The following ZBBX variants were observed in gnomAD, a reference collection of about 807,000 sequenced individuals.
The protein encoded by ZBBX is zinc finger B-box domain containing.
Under a neutral mutation model 108.5 loss-of-function variants are expected in ZBBX, and 101 were observed. That is an observed-to-expected ratio of 0.93 (90% CI 0.79 to 1.10). The LOEUF (loss-of-function observed/expected upper bound fraction) is 1.10. Ranked by LOEUF, ZBBX falls within the 50% of genes least tolerant of loss-of-function variation. The pLI, the probability that ZBBX is intolerant of heterozygous loss-of-function variation, is 0.00. For synonymous variants in ZBBX, 356 were observed against 323.4 expected (o/e 1.10, Z -1.08); for missense variants, 1,009 against 941.4 (o/e 1.07, Z -0.94).
chr3:167,359,108 C>T (rs1744097549), intron 8 of ZBBX, among the ~76,000 whole-genome samples: 1 of 151,972 alleles, frequency 6.6e-6, no homozygotes, highest in Non-Finnish European at 1.5e-5. Context: ...TATAACTGTA[C>T]AATGGAATAC....
intron 20 of ZBBX, among the ~76,000 whole-genome samples, chr3:167,246,671 G>A (rs979476328): frequency 2.6e-5 from 4 of 152,176 alleles, no homozygotes; most frequent in African/African-American, 9.7e-5. Context: ...TATTGAAGAA[G>A]TAAATGCTTT....
intron 2 of ZBBX, among the ~76,000 whole-genome samples, chr3:167,376,801 T>C (rs114362565): frequency 0.016 from 2,403 of 152,268 alleles, 60 homozygotes; most frequent in African/African-American, 0.055. Flanking sequence ...TTTCCTTGTA[T>C]GAAGAAAAAG....
chr3:167,359,124 C>T (rs188045658), intron 8 of ZBBX, among the ~76,000 whole-genome samples: 70 of 152,012 alleles, frequency 4.6e-4, no homozygotes, highest in South Asian at 1.0e-3. Flanking sequence ...AATACTACTC[C>T]ATAATACAAA....
chr3:167,285,905 T>A (rs1373555041), intron 19 of ZBBX, among the ~76,000 whole-genome samples: 1 of 152,066 alleles, frequency 6.6e-6, no homozygotes, highest in African/African-American at 2.4e-5. Context: ...GATACCCCAA[T>A]GAACAGGACA....
chr3:167,269,289 G>A (rs1052103573), intron 20 of ZBBX, among the ~76,000 whole-genome samples: 3 of 152,128 alleles, frequency 2.0e-5, no homozygotes, highest in African/African-American at 4.8e-5. Flanking sequence ...TGAGTCTCTG[G>A]GATAAAAGTG....
At chr3:167,272,726 C>A (rs534783725) in intron 20 of ZBBX, among the ~76,000 whole-genome samples, 1 of 152,264 alleles carries the variant, frequency 6.6e-6, no homozygotes, top group African/African-American at 2.4e-5. Context: ...CAACTCTCAG[C>A]CTCAGAAAAG....
intron 1 of ZBBX, among the ~76,000 whole-genome samples, chr3:167,391,498 A>G (rs568748730): frequency 6.6e-6 from 1 of 152,158 alleles, no homozygotes; most frequent in South Asian, 2.1e-4. Context: ...TGCTAGTCTC[A>G]TAAAATGAGC....
chr3:167,247,814 G>A (rs372757916), intron 20 of ZBBX, among the ~76,000 whole-genome samples: 5 of 152,114 alleles, frequency 3.3e-5, no homozygotes, highest in African/African-American at 9.7e-5. Context: ...AGATGAGTGT[G>A]AATGAATGTG....
At chr3:167,363,889 C>T (rs116211153) in intron 6 of ZBBX, among the ~76,000 whole-genome samples, 3,784 of 151,984 alleles carry the variant, frequency 0.025, 173 homozygotes, top group African/African-American at 0.087. Context: ...CAGAAATAGA[C>T]ATTTTAATGT....
intron 8 of ZBBX, among the ~76,000 whole-genome samples, chr3:167,355,347 G>A (rs1451240427): frequency 1.3e-5 from 2 of 151,866 alleles, no homozygotes; most frequent in East Asian, 1.9e-4. Flanking sequence ...TAACTTTGAG[G>A]TACAGATTAC....
At chr3:167,184,316 GT>G in the ZBBX span, among the ~76,000 whole-genome samples, 1 of 152,116 alleles carries the variant, frequency 6.6e-6, no homozygotes, top group South Asian at 2.1e-4. Context: ...TGACCTTTGT[GT>G]TGAGATGTTA....
intron 20 of ZBBX, among the ~76,000 whole-genome samples, chr3:167,262,267 C>T (rs958583979): frequency 2.0e-5 from 3 of 152,150 alleles, no homozygotes; most frequent in Non-Finnish European, 2.9e-5. Context: ...GTCTGTGGGT[C>T]CTCTCAGGAT....
intron 17 of ZBBX, among the ~76,000 whole-genome samples, chr3:167,298,833 A>T (rs1732115743): frequency 6.6e-6 from 1 of 152,074 alleles, no homozygotes; most frequent in South Asian, 2.1e-4. Flanking sequence ...ATATAAAATA[A>T]TTTCAAAACT....
chr3:167,397,016 G>A (rs1030940354), intron 1 of ZBBX, among the ~76,000 whole-genome samples: 7 of 151,136 alleles, frequency 4.6e-5, no homozygotes, highest in Non-Finnish European at 1.0e-4. Context: ...GGAAAGGATG[G>A]CATTGCTCAT....
intron 8 of ZBBX, among the ~76,000 whole-genome samples, chr3:167,359,251 T>C (rs1744122702): frequency 6.6e-6 from 1 of 152,132 alleles, no homozygotes; most frequent in African/African-American, 2.4e-5. Flanking sequence ...ACTAAATCTA[T>C]AGTGTTAAAA....
the ZBBX span, among the ~76,000 whole-genome samples, chr3:167,181,585 T>G: frequency 6.6e-6 from 1 of 152,212 alleles, no homozygotes; most frequent in African/African-American, 2.4e-5. Context: ...TTCAATAATT[T>G]GATTCACCCA....
downstream of ZBBX, among the ~76,000 whole-genome samples, chr3:167,236,884 C>T (rs191858882): frequency 7.3e-5 from 11 of 151,408 alleles, no homozygotes; most frequent in East Asian, 5.8e-4. Flanking sequence ...CAGGATGCAA[C>T]GAGAAACAAT....
At position 167,327,999 on chromosome 3, in the gene ZBBX, A is replaced by G. The variant is rs78466084; in HGVS notation, c.805T>C (p.Trp269Arg). 891 of 1,611,974 alleles carry G rather than the reference A, an allele frequency of 5.5e-4. 6 individuals carry two copies. In the African/African-American group the frequency reaches 0.011, roughly 19 times the overall value. Residue 269 changes from tryptophan to arginine, a missense_variant, in exon 11 of 22, where the codon TGG becomes CGG. By Grantham distance (101) the Trp-to-Arg change is moderately radical. Transcript: ENST00000675490. ...AQSFQEVLSQ[W>R]RTGNHDDNKK... ...TTGTCATCATGATTTCCGGTTCTCC[A>G]TTGACTTAACACTTCCTGAAAGGAC...
At chr3:167,355,946 C>T (rs1026417982) in intron 8 of ZBBX, among the ~76,000 whole-genome samples, 3 of 152,078 alleles carry the variant, frequency 2.0e-5, no homozygotes, top group African/African-American at 7.2e-5. Context: ...AAGGCACCTG[C>T]TGCTTATCTT....
Sources: gnomAD v4.1 joint callset for allele counts (sites outside exome capture counted in the v4.1 genomes callset) on GRCh38, gnomAD v4.1.1 for gene constraint, MANE v1.5 for transcripts, NCBI Gene and HGNC (gene_info 2026-07-23, HGNC 2026-07-21) for gene names.